KCNK2: variants seen among roughly 807,000 people sequenced by gnomAD.
KCNK2 encodes potassium two pore domain channel subfamily K member 2.
Under a neutral mutation model 40.5 loss-of-function variants are expected in KCNK2, and 21 were observed. The ratio of observed to expected loss-of-function variants is 0.52; its 90% CI spans 0.37 to 0.75. The LOEUF (loss-of-function observed/expected upper bound fraction) is 0.75, where lower values mean the gene tolerates loss of function less well. Among genes scored for constraint, KCNK2 ranks in the 30% least tolerant of loss-of-function variants. The pLI, the probability that KCNK2 is intolerant of heterozygous loss-of-function variation, is 0.00. For missense variants in KCNK2, 399 were observed against 531.6 expected, an observed-to-expected ratio of 0.75 and a Z score of 2.45; for synonymous variants, 191 against 202.2, an observed-to-expected ratio of 0.94 and a Z score of 0.47.
intron 6 of KCNK2, among the ~76,000 whole-genome samples, chr1:215,227,636 G>A (rs1481648816): frequency 3.9e-5 from 6 of 152,140 alleles, no homozygotes; most frequent in Non-Finnish European, 8.8e-5. Context: ...GTTCATTACA[G>A]GGCAATTTGG....
At chr1:215,025,482 T>C (rs150117397) in intron 1 of KCNK2, among the ~76,000 whole-genome samples, 38 of 152,234 alleles carry the variant, frequency 2.5e-4, no homozygotes, top group African/African-American at 9.1e-4. Context: ...GTAATATAAA[T>C]ATTAATACCT....
At chr1:215,017,235 T>C (rs1173221196) in intron 1 of KCNK2, among the ~76,000 whole-genome samples, 2 of 152,086 alleles carry the variant, frequency 1.3e-5, no homozygotes, top group Non-Finnish European at 2.9e-5. Context: ...AATCCCACTG[T>C]TGGGTGTATA....
chr1:215,148,080 C>CTTTCTT (rs1553267720), intron 3 of KCNK2, among the ~76,000 whole-genome samples: 6,356 of 111,066 alleles, frequency 0.057, 895 homozygotes, highest in African/African-American at 0.17. Flanking sequence ...TTTTCTTTTC[C>CTTTCTT]TTTTTTTTTT....
chr1:215,178,994 G>A (rs545338351), intron 5 of KCNK2, among the ~76,000 whole-genome samples: 18 of 73,092 alleles, frequency 2.5e-4, no homozygotes, highest in African/African-American at 9.3e-4. Context: ...CCTTTGGTTG[G>A]TAGATTTTTT....
chr1:215,157,534 T>C (rs1297106021), intron 3 of KCNK2, among the ~76,000 whole-genome samples: 3 of 152,208 alleles, frequency 2.0e-5, no homozygotes, highest in African/African-American at 7.2e-5. Context: ...GTTATGCATA[T>C]ATTATGCCAT....
At chr1:215,134,126 C>G (rs1363548759) in intron 3 of KCNK2, among the ~76,000 whole-genome samples, 2 of 152,068 alleles carry the variant, frequency 1.3e-5, no homozygotes, top group East Asian at 3.9e-4. Context: ...AAAAATTCTC[C>G]CACTGTGTTC....
At chr1:215,136,545 A>T (rs1343917785) in intron 3 of KCNK2, among the ~76,000 whole-genome samples, 1 of 152,196 alleles carries the variant, frequency 6.6e-6, no homozygotes. Context: ...ATTCTGTGAC[A>T]ATTCCCATAT....
At chr1:215,113,013 T>C (rs1660761886) in intron 2 of KCNK2, among the ~76,000 whole-genome samples, 1 of 152,204 alleles carries the variant, frequency 6.6e-6, no homozygotes, top group African/African-American at 2.4e-5. Context: ...TTCATGATAG[T>C]GATTTTATGT....
At position 215,191,993 on chromosome 1, in the gene KCNK2, G is replaced by T. The variant is rs145430238; in HGVS notation, c.824-2960G>T. The stretch of plus-strand genomic sequence containing the variant: ...ATTACACTCGATTCTTAGTAAGCCA[G>T]AGACAAATAGGTAGGTTTCCTCAAC... On this transcript the variant is annotated intron_variant, in intron 5 of 6. Coordinates refer to ENST00000444842, the MANE Select transcript of KCNK2 (RefSeq NM_001017425.3). 1.6e-3 allele frequency among the ~76,000 whole-genome samples: 245 copies of T among 152,308 alleles called. 1 individual carries two copies. The highest frequency in any genetic ancestry group is 5.7e-3 in the African/African-American group (239 of 41,568).
intron 5 of KCNK2, among the ~76,000 whole-genome samples, chr1:215,184,595 A>C (rs1013518796): frequency 6.6e-6 from 1 of 152,160 alleles, no homozygotes; most frequent in Non-Finnish European, 1.5e-5. Context: ...AGGGGAAGCA[A>C]ACATGTCCTT....
At position 215,209,476 on chromosome 1, in the gene KCNK2, TTATATATAATACA is replaced by T. The variant is rs1217319947; in HGVS notation, c.963+14396_963+14408del. 7.2e-4 allele frequency among the ~76,000 whole-genome samples: 31 copies of T among 43,208 alleles called. 1 individual carries two copies. Among genetic ancestry groups the T allele is most frequent in the African/African-American group, 3.1e-3 (31 of 9,894 alleles). The allele number at this position is 43,208 out of a possible 152,430, so 28.3% of individuals were successfully genotyped here. A position where few individuals can be genotyped will look rare whatever the true frequency, so the allele number is the denominator to read the frequency against. On this transcript the variant is annotated intron_variant, in intron 6 of 6. Coordinates refer to ENST00000444842, the MANE Select transcript of KCNK2 (RefSeq NM_001017425.3). ...TATTATATATTATATATAATATATA[TTATATATAATACA>T]TATATATAATATATAATATATATAA...
At chr1:215,148,125 C>T (rs1244984921) in intron 3 of KCNK2, among the ~76,000 whole-genome samples, 28 of 134,022 alleles carry the variant, frequency 2.1e-4, no homozygotes, top group African/African-American at 6.3e-4. Context: ...GTTGCCCAGG[C>T]GGGAGATGCA....
chr1:215,091,895 A>C (rs959234203), intron 2 of KCNK2, among the ~76,000 whole-genome samples: 4 of 152,200 alleles, frequency 2.6e-5, no homozygotes, highest in Non-Finnish European at 5.9e-5. Context: ...GAAGAACTAC[A>C]AGGATGCTGG....
intron 5 of KCNK2, among the ~76,000 whole-genome samples, chr1:215,184,571 A>C (rs895762121): frequency 6.6e-6 from 1 of 152,196 alleles, no homozygotes; most frequent in Non-Finnish European, 1.5e-5. Context: ...CAGGAAACTT[A>C]CAATCATAGC....
rs558526435 is a variant in KCNK2 at position 215,167,998 on chromosome 1, A to G, written c.476-1201A>G. Among the ~76,000 whole-genome samples the G allele has an allele frequency of 4.6e-5, 7 of 152,322 alleles. 1 individual carries two copies. In the South Asian group the frequency reaches 1.0e-3, roughly 23 times the overall value. ...CTAACAAGTCTAATATCCAGAATCT[A>G]CAAGGAACTTAAACACATTAACAAG... On this transcript the variant is annotated intron_variant, in intron 3 of 6. Transcript: ENST00000444842.
At chr1:215,152,083 T>G (rs1029938542) in intron 3 of KCNK2, among the ~76,000 whole-genome samples, 1 of 152,282 alleles carries the variant, frequency 6.6e-6, no homozygotes, top group Admixed American at 6.5e-5. Flanking sequence ...TCCTCATTTA[T>G]CCTTAGATCC....
chr1:215,160,475 G>C (rs1486500567), intron 3 of KCNK2, among the ~76,000 whole-genome samples: 1 of 152,142 alleles, frequency 6.6e-6, no homozygotes, highest in African/African-American at 2.4e-5. Flanking sequence ...AGGAGCACAG[G>C]TTTATTGTAT....
intron 2 of KCNK2, among the ~76,000 whole-genome samples, chr1:215,093,714 T>A (rs1395280651): frequency 3.2e-5 from 3 of 94,602 alleles, no homozygotes; most frequent in Non-Finnish European, 5.6e-5. Flanking sequence ...ATATTATATA[T>A]TATATAAAAA....
chr1:215,010,866 T>TGTGTGTGTG (rs1396386615), intron 1 of KCNK2, among the ~76,000 whole-genome samples: 1 of 142,760 alleles, frequency 7.0e-6, no homozygotes. Flanking sequence ...TTTTTTTTTT[T>TGTGTGTGTG]TTTGTGTGTG....
Sources: gnomAD v4.1 joint callset for allele counts (sites outside exome capture counted in the v4.1 genomes callset) on GRCh38, gnomAD v4.1.1 for gene constraint, MANE v1.5 for transcripts, NCBI Gene and HGNC (gene_info 2026-07-23, HGNC 2026-07-21) for gene names.